The following PALM2AKAP2 variants were observed in gnomAD, a reference collection of about 807,000 sequenced individuals.
PALM2AKAP2 encodes the protein PALM2 and AKAP2 fusion.
In PALM2AKAP2, 37 loss-of-function variants were observed where a neutral mutation model predicts 71.5. That is an observed-to-expected ratio of 0.52 (90% CI 0.40 to 0.68). PALM2AKAP2 has a LOEUF of 0.68. PALM2AKAP2 is among the 30% of genes least tolerant of loss of function. PALM2AKAP2 has a pLI of 0.00. For missense variants in PALM2AKAP2, 1,224 were observed against 1,191.8 expected (o/e 1.03, Z -0.40); for synonymous variants, 468 against 478.8 (o/e 0.98, Z 0.29).
chr9:109,997,946 T>C (rs1320947717), intron 6 of PALM2AKAP2, among the ~76,000 whole-genome samples: 1 of 152,230 alleles, frequency 6.6e-6, no homozygotes, highest in African/African-American at 2.4e-5. Context: ...GAAGTTCCGC[T>C]AAGTTCTAAT....
chr9:110,012,671 A>G (rs1161421532), intron 6 of PALM2AKAP2, among the ~76,000 whole-genome samples: 1 of 152,226 alleles, frequency 6.6e-6, no homozygotes, highest in Non-Finnish European at 1.5e-5. Context: ...CACTCTTGTT[A>G]TGAAATGTTT....
intron 1 of PALM2AKAP2, among the ~76,000 whole-genome samples, chr9:109,669,486 C>T (rs974816361): frequency 2.0e-5 from 3 of 151,934 alleles, no homozygotes; most frequent in Non-Finnish European, 4.4e-5. Flanking sequence ...GTGTCTTCCT[C>T]TTTTATTTTC....
chr9:110,097,649 T>G (rs1348574815), intron 1 of PALM2AKAP2, among the ~76,000 whole-genome samples: 2 of 145,430 alleles, frequency 1.4e-5, no homozygotes, highest in African/African-American at 2.7e-5. Context: ...GGATGGCGGC[T>G]GGGCAGAGAT....
chr9:110,132,947 C>T lies in PALM2AKAP2; in HGVS notation c.157-3180C>T, dbSNP rs138251086. On this transcript the variant is annotated intron_variant, in intron 1 of 3. Transcript: ENST00000374525. ...GCATATTTTAAAATCTCAGTTTGAC[C>T]GATCACAGAAGACATAACTACTTGT... Among the ~76,000 whole-genome samples the T allele has an allele frequency of 4.0e-4, 61 of 152,252 alleles. 1 individual carries two copies. The East Asian group carries it at 0.011, about 28-fold the overall frequency.
At chr9:109,981,886 T>C (rs1832278790) in intron 6 of PALM2AKAP2, among the ~76,000 whole-genome samples, 1 of 152,104 alleles carries the variant, frequency 6.6e-6, no homozygotes. Context: ...GAGAACAGTT[T>C]AGAAGTTTCT....
At chr9:110,142,447 T>A (rs1227969631) in intron 2 of PALM2AKAP2, among the ~76,000 whole-genome samples, 1 of 152,192 alleles carries the variant, frequency 6.6e-6, no homozygotes, top group Admixed American at 6.5e-5. Context: ...GAGTGACATT[T>A]GTTTATACAG....
At chr9:109,707,881 C>G (rs1337435555) in intron 1 of PALM2AKAP2, among the ~76,000 whole-genome samples, 1 of 152,182 alleles carries the variant, frequency 6.6e-6, no homozygotes, top group Non-Finnish European at 1.5e-5. Context: ...CATAGTGGCA[C>G]CGATACCAAT....
At chr9:110,153,725 T>C (rs1429076060) in intron 2 of PALM2AKAP2, among the ~76,000 whole-genome samples, 1 of 152,228 alleles carries the variant, frequency 6.6e-6, no homozygotes, top group Non-Finnish European at 1.5e-5. Context: ...GAGTTTGCAT[T>C]CAAATGAATT....
intron 1 of PALM2AKAP2, among the ~76,000 whole-genome samples, chr9:110,129,309 A>G (rs1271134412): frequency 6.6e-6 from 1 of 152,230 alleles, no homozygotes; most frequent in African/African-American, 2.4e-5. Flanking sequence ...AAGCAAGCAA[A>G]AGATCAACCA....
At chr9:109,887,619 T>G (rs924243861) in intron 3 of PALM2AKAP2, among the ~76,000 whole-genome samples, 1 of 151,900 alleles carries the variant, frequency 6.6e-6, no homozygotes, top group Admixed American at 6.6e-5. Context: ...AATACTCCCA[T>G]GAGGTAGTGA....
At chr9:109,818,598 A>AG (rs1827910045) in intron 1 of PALM2AKAP2, among the ~76,000 whole-genome samples, 1 of 152,220 alleles carries the variant, frequency 6.6e-6, no homozygotes, top group Non-Finnish European at 1.5e-5. Flanking sequence ...TTGCTTTTTA[A>AG]GGAAAAACCT....
chr9:110,135,247 G>A (rs1221475310), intron 1 of PALM2AKAP2, among the ~76,000 whole-genome samples: 3 of 106,510 alleles, frequency 2.8e-5, no homozygotes, highest in African/African-American at 1.1e-4. Context: ...GTTGCAATGA[G>A]CCGAGATGGC....
chr9:110,160,920 C>T (rs879939888), intron 3 of PALM2AKAP2, among the ~76,000 whole-genome samples: 3 of 152,132 alleles, frequency 2.0e-5, no homozygotes, highest in Admixed American at 6.6e-5. Context: ...GAGAAGACCT[C>T]GTCGGTTTTC....
intron 6 of PALM2AKAP2, among the ~76,000 whole-genome samples, chr9:109,962,919 A>C (rs574644993): frequency 2.0e-5 from 3 of 152,304 alleles, no homozygotes; most frequent in African/African-American, 7.2e-5. Flanking sequence ...ATGTTTTAAC[A>C]TAGATTATCT....
chr9:110,046,660 G>C (rs2132482535), upstream of PALM2AKAP2, among the ~76,000 whole-genome samples: 1 of 152,094 alleles, frequency 6.6e-6, no homozygotes, highest in South Asian at 2.1e-4. Context: ...TAGAGACGAG[G>C]TTTCTCTATG....
intron 1 of PALM2AKAP2, among the ~76,000 whole-genome samples, chr9:109,844,797 A>G (rs1828804272): frequency 6.6e-6 from 1 of 152,148 alleles, no homozygotes; most frequent in African/African-American, 2.4e-5. Context: ...ACTTACATGG[A>G]TGTCAGCGAG....
At chr9:109,722,060 A>G (rs1828414330) in intron 1 of PALM2AKAP2, among the ~76,000 whole-genome samples, 1 of 152,206 alleles carries the variant, frequency 6.6e-6, no homozygotes, top group East Asian at 1.9e-4. Flanking sequence ...ATACATGCAA[A>G]ATAACCTATT....
intron 6 of PALM2AKAP2, among the ~76,000 whole-genome samples, chr9:110,010,970 T>G (rs553431639): frequency 9.2e-6 from 1 of 108,892 alleles, no homozygotes; most frequent in South Asian, 2.9e-4. Context: ...CACTCCAGCC[T>G]GGGCAACAAG....
At chr9:109,678,274 G>A (rs989797976) in intron 1 of PALM2AKAP2, among the ~76,000 whole-genome samples, 16 of 152,190 alleles carry the variant, frequency 1.1e-4, no homozygotes, top group African/African-American at 3.9e-4. Flanking sequence ...GTAGAATGAA[G>A]TGTCAGCAAG....
Sources: allele counts gnomAD v4.1 joint callset (sites outside exome capture counted in the v4.1 genomes callset), GRCh38; gene constraint gnomAD v4.1.1; transcripts MANE v1.5; gene names NCBI Gene and HGNC (gene_info 2026-07-23, HGNC 2026-07-21).